Variants in UMODL1 observed in about 807,000 individuals in gnomAD.
The protein encoded by UMODL1 is uromodulin like 1, also known as uromodulin-like 1.
UMODL1 carries 128 observed loss-of-function variants against 136.3 expected under a neutral mutation model. The observed-to-expected ratio is 0.94, with a 90% CI of 0.81 to 1.09. The LOEUF (loss-of-function observed/expected upper bound fraction) is 1.09. Among genes scored for constraint, UMODL1 ranks in the 50% least tolerant of loss-of-function variants. The pLI is 0.00. For synonymous variants in UMODL1, 721 were observed against 720.0 expected (o/e 1.00, Z -0.02); for missense variants, 1,766 against 1,725.6 (o/e 1.02, Z -0.41).
intron 9 of UMODL1, among the ~76,000 whole-genome samples, chr21:42,104,727 G>A (rs1479891208): frequency 1.3e-5 from 2 of 152,196 alleles, no homozygotes; most frequent in African/African-American, 4.8e-5. Flanking sequence ...TGGGATTACA[G>A]GCGTGAGCCA....
chr21:42,108,485 C>T, intron 9 of UMODL1: 1 of 444,614 alleles, frequency 2.2e-6, no homozygotes, highest in African/African-American at 2.0e-5. Flanking sequence ...AAAAAACCCA[C>T]AAAACGAGCC....
chr21:42,074,367 T>C (rs1326299867), intron 1 of UMODL1, among the ~76,000 whole-genome samples: 3 of 152,238 alleles, frequency 2.0e-5, no homozygotes, highest in Admixed American at 6.5e-5. Context: ...TGATACCCTC[T>C]GTAAGACATT....
At chr21:42,067,645 C>G (rs764576388), upstream of UMODL1, among the ~76,000 whole-genome samples, 9 of 152,336 alleles carry the variant, frequency 5.9e-5, no homozygotes, top group East Asian at 1.9e-4. Context: ...CCACTGCCCC[C>G]CTGGCCTTAG....
chr21:42,084,664 T>C (rs972610648), intron 3 of UMODL1, among the ~76,000 whole-genome samples: 13 of 152,084 alleles, frequency 8.5e-5, no homozygotes, highest in Admixed American at 3.9e-4. Flanking sequence ...GTCTGGAAAG[T>C]TCTCTTTTGA....
chr21:42,093,968 G>A (rs2066523828), intron 6 of UMODL1: 1 of 456,588 alleles, frequency 2.2e-6, no homozygotes, highest in Middle Eastern at 3.2e-4. Context: ...TTCCTGCTCT[G>A]TGGCTTCCAG....
rs770961194 is a variant in UMODL1, at chr21:42,110,986, G to C, written c.1764G>C (p.Leu588Phe). ...CCCTCGGCCTAGAGAACTTCACCTTGTCACCCAGTCCTGGGTACCCTCAGG... is the reference window on the plus strand; with the variant it reads ...CCCTCGGCCTAGAGAACTTCACCTTCTCACCCAGTCCTGGGTACCCTCAGG... Reference protein sequence around the residue: ...TAALGLENFTLSPSPGYPQGT... With the variant: ...TAALGLENFTFSPSPGYPQGT... The change falls in exon 11 of 23, where the codon TTG (leucine) becomes TTC (phenylalanine). Residue 588 changes from leucine to phenylalanine, a missense_variant. Leu to Phe is a conservative substitution (Grantham distance 22). Coordinates refer to ENST00000408910, the MANE Select transcript of UMODL1 (RefSeq NM_001004416.3). The C allele has an allele frequency of 1.2e-6, 2 of 1,612,880 alleles. No individual in the cohort carries two copies. Among genetic ancestry groups the C allele is most frequent in the African/African-American group, 2.7e-5 (2 of 74,924 alleles).
At chr21:42,138,798 C>A (rs2067242590) in intron 22 of UMODL1, among the ~76,000 whole-genome samples, 1 of 152,220 alleles carries the variant, frequency 6.6e-6, no homozygotes, top group Admixed American at 6.5e-5. Context: ...TGGTCTCCAA[C>A]TCCTGACCTC....
chr21:42,090,502 T>C, intron 6 of UMODL1, 64 bp downstream of exon 6: 1 of 1,582,322 alleles, frequency 6.3e-7, no homozygotes, highest in Non-Finnish European at 8.6e-7. Context: ...CCGGGAATAC[T>C]CACCAGCAGT....
chr21:42,105,871 G>A (rs965510768), intron 9 of UMODL1, among the ~76,000 whole-genome samples: 5 of 152,200 alleles, frequency 3.3e-5, no homozygotes, highest in Admixed American at 6.5e-5. Flanking sequence ...CAGGAGACCC[G>A]TGTCTTGCAC....
chr21:42,132,524 A>G (rs1481910154), intron 21 of UMODL1, among the ~76,000 whole-genome samples: 1 of 148,558 alleles, frequency 6.7e-6, no homozygotes, highest in East Asian at 2.0e-4. Context: ...TCATCCCTTC[A>G]TTCATCCATC....
In UMODL1 at chr21:42,119,222, A is replaced by G; in HGVS notation, c.2587A>G (p.Ile863Val). Residue 863 changes from isoleucine to valine, a missense_variant, in exon 15 of 23, where the codon ATA becomes GTA. By Grantham distance (29) the Ile-to-Val change is conservative. Transcript: ENST00000408910. ...CATCGTGGTGGAGTTTCACTTGCTG[A>G]TAATCGCAGATGTGGATGTCCAGGA... is the stretch of plus-strand genomic sequence containing the variant. Reference protein sequence around the residue: ...GSIVVEFHLLIIADVDVQEVS... With the variant: ...GSIVVEFHLLVIADVDVQEVS... The G allele has an allele frequency of 6.2e-7, 1 of 1,614,220 alleles. No homozygotes were observed. Among genetic ancestry groups the G allele is most frequent in the Non-Finnish European group, 8.5e-7 (1 of 1,180,030 alleles).
At chr21:42,125,312 G>A (rs1365135907) in intron 17 of UMODL1, among the ~76,000 whole-genome samples, 1 of 152,098 alleles carries the variant, frequency 6.6e-6, no homozygotes, top group Non-Finnish European at 1.5e-5. Context: ...ATTCCATGGT[G>A]TGGAGCCTGC....
chr21:42,092,767 C>T (rs549567948), intron 6 of UMODL1, among the ~76,000 whole-genome samples: 3 of 152,322 alleles, frequency 2.0e-5, no homozygotes, highest in South Asian at 2.1e-4. Flanking sequence ...GCACTTCACG[C>T]GCTCTGGGCT....
At chr21:42,141,265 C>A (rs974197617) in intron 22 of UMODL1, among the ~76,000 whole-genome samples, 8 of 152,180 alleles carry the variant, frequency 5.3e-5, no homozygotes, top group African/African-American at 1.9e-4. Flanking sequence ...AAACACCACC[C>A]GCCTGTGGAT....
intron 3 of UMODL1, 148 bp downstream of exon 3, chr21:42,084,393 T>G (rs2066401451): frequency 1.2e-6 from 1 of 802,980 alleles, no homozygotes; most frequent in African/African-American, 1.8e-5. Context: ...AGGCAGCACC[T>G]GCTCTTAGAT....
In UMODL1 at chr21:42,075,145, A is replaced by G. The variant is rs978317390; in HGVS notation, c.77-860A>G. ...GATCTCCTGACCTCGTGATCCGCCC[A>G]CCTTGGCCTCCCAAAGTGCTGGGAT... is the stretch of plus-strand genomic sequence containing the variant. On this transcript the variant is annotated intron_variant, in intron 1 of 22. Coordinates refer to ENST00000408910, the MANE Select transcript of UMODL1 (RefSeq NM_001004416.3). Among the ~76,000 whole-genome samples the G allele has an allele frequency of 4.6e-5, 7 of 152,022 alleles. No individual in the cohort carries two copies. In the South Asian group the frequency reaches 8.3e-4, roughly 18 times the overall value.
chr21:42,068,090 T>C (rs534397824), upstream of UMODL1, among the ~76,000 whole-genome samples: 1 of 151,842 alleles, frequency 6.6e-6, no homozygotes, highest in Non-Finnish European at 1.5e-5. This position sits in a 1 kb window ranked among gnomAD's most constrained non-coding sequence, Gnocchi z 5.5. Context: ...CACTGTCCAG[T>C]GTGAGGGTGG....
chr21:42,073,987 C>G (rs1457218835), intron 1 of UMODL1, among the ~76,000 whole-genome samples: 1 of 152,328 alleles, frequency 6.6e-6, no homozygotes, highest in Non-Finnish European at 1.5e-5. Flanking sequence ...TCAGGGCCCC[C>G]TGCTAGGTGC....
At chr21:42,068,091 G>A (rs775727942), upstream of UMODL1, among the ~76,000 whole-genome samples, 1 of 152,192 alleles carries the variant, frequency 6.6e-6, no homozygotes, top group African/African-American at 2.4e-5. This position sits in a 1 kb window ranked among gnomAD's most constrained non-coding sequence, Gnocchi z 5.5. Context: ...ACTGTCCAGT[G>A]TGAGGGTGGA....
Sources: gnomAD v4.1 joint callset for allele counts (sites outside exome capture counted in the v4.1 genomes callset) on GRCh38, gnomAD v4.1.1 for gene constraint, Gnocchi (gnomAD v3.1) non-coding constraint, MANE v1.5 for transcripts, NCBI Gene and HGNC (gene_info 2026-07-23, HGNC 2026-07-21) for gene names.